The following LIN28B variants were observed in gnomAD, a reference collection of about 807,000 sequenced individuals.
LIN28B encodes the protein protein lin-28 homolog B.
A neutral mutation model predicts 21.9 loss-of-function variants in LIN28B; 5 were observed. That is an observed-to-expected ratio of 0.23 (90% CI 0.12 to 0.48). The LOEUF is 0.48. Among genes scored for constraint, LIN28B ranks in the 20% least tolerant of loss-of-function variants. The pLI, the probability that LIN28B is intolerant of heterozygous loss-of-function variation, is 0.98. For missense variants in LIN28B, 245 were observed against 310.5 expected, an observed-to-expected ratio of 0.79 and a Z score of 1.58; for synonymous variants, 109 against 111.3, an observed-to-expected ratio of 0.98 and a Z score of 0.13.
chr6:105,026,263 T>A, intron 2 of LIN28B, 35 bp from the exon 3 acceptor site: 2 of 1,245,208 alleles, frequency 1.6e-6, no homozygotes, highest in Non-Finnish European at 2.2e-6. Flanking sequence ...TTTTAATCTC[T>A]CTTTTTCTCC....
At chr6:104,978,045 A>G (rs1770138508) in intron 2 of LIN28B, among the ~76,000 whole-genome samples, 2 of 152,250 alleles carry the variant, frequency 1.3e-5, no homozygotes, top group Admixed American at 6.5e-5. Context: ...TAAGAAAACC[A>G]AGTGTTTAAC....
At chr6:104,938,503 G>T (rs746526957) in intron 2 of LIN28B, among the ~76,000 whole-genome samples, 3 of 152,004 alleles carry the variant, frequency 2.0e-5, no homozygotes, top group Non-Finnish European at 2.9e-5. Context: ...GCTGCGTGTG[G>T]TAGAGCAGGC....
chr6:104,958,143 G>A lies in LIN28B; in HGVS notation c.55G>A (p.Glu19Lys), dbSNP rs1205121884. Residue 19 changes from glutamate (E) to lysine (K), a missense_variant, in exon 2 of 4, where the codon GAG (glutamate) becomes AAG (lysine). Coordinates refer to ENST00000345080, the MANE Select transcript of LIN28B (RefSeq NM_001004317.4). ...GGGEEPGKLP[E>K]PAEEESQVLR... is the part of the protein sequence containing the mutation. ...TGGAGAAGAGCCCGGGAAGCTGCCG[G>A]AGCCGGCAGAGGAGGAATCCCAGGT... is the stretch of plus-strand genomic sequence containing the variant. 1.2e-6 allele frequency: 2 copies of A among 1,606,520 alleles called. No individual in the cohort carries two copies. Among genetic ancestry groups the A allele is most frequent in the South Asian group, 2.2e-5 (2 of 90,166 alleles).
intron 3 of LIN28B, among the ~76,000 whole-genome samples, chr6:105,060,765 T>C (rs1344553917): frequency 6.6e-6 from 1 of 152,232 alleles, no homozygotes; most frequent in African/African-American, 2.4e-5. Context: ...AATGCAATGA[T>C]AAATGTAGAA....
chr6:105,018,702 G>A (rs1331525133), intron 2 of LIN28B, among the ~76,000 whole-genome samples: 1 of 151,950 alleles, frequency 6.6e-6, no homozygotes, highest in Non-Finnish European at 1.5e-5. Flanking sequence ...TTTGACTCAT[G>A]TATTTGCTTC....
intron 2 of LIN28B, among the ~76,000 whole-genome samples, chr6:104,959,426 C>T (rs1487477999): frequency 1.3e-5 from 2 of 152,178 alleles, no homozygotes; most frequent in East Asian, 1.9e-4. Context: ...ATTTATACCC[C>T]CTTCCCTAAG....
chr6:104,992,484 T>TTGTG (rs752464999), intron 2 of LIN28B, among the ~76,000 whole-genome samples: 2,089 of 135,956 alleles, frequency 0.015, 33 homozygotes, highest in African/African-American at 0.04. Context: ...TAAGTTTCTG[T>TTGTG]TGTGTGTGTG....
chr6:104,980,124 C>T (rs1238423203), intron 2 of LIN28B, among the ~76,000 whole-genome samples: 2 of 152,092 alleles, frequency 1.3e-5, no homozygotes, highest in Non-Finnish European at 2.9e-5. Flanking sequence ...GTTAACTATA[C>T]TTAGAGATCA....
chr6:105,078,103 G>C (rs1280361849), intron 3 of LIN28B, among the ~76,000 whole-genome samples: 1 of 152,126 alleles, frequency 6.6e-6, no homozygotes, highest in Non-Finnish European at 1.5e-5. Context: ...AAAATGACCA[G>C]ATAGTGTCAA....
intron 2 of LIN28B, among the ~76,000 whole-genome samples, chr6:104,988,817 G>A (rs1330876981): frequency 6.6e-6 from 1 of 152,142 alleles, no homozygotes; most frequent in African/African-American, 2.4e-5. Flanking sequence ...GACCTCAGGT[G>A]ATCCACCTGC....
At chr6:105,067,606 C>G (rs1562113006) in intron 3 of LIN28B, among the ~76,000 whole-genome samples, 1 of 151,460 alleles carries the variant, frequency 6.6e-6, no homozygotes, top group Admixed American at 6.6e-5. Context: ...CCAGAACAGA[C>G]TATCTGTCTG....
In LIN28B at chr6:105,046,269, T is replaced by C. The variant is rs1771759067; in HGVS notation, c.383+19787T>C. The stretch of plus-strand genomic sequence containing the variant: ...CCTATGAGTGAGAACATGCAGTGTT[T>C]GGTTTTTTGTCCTTGCGATAGTTTG... On this transcript the variant is annotated intron_variant, in intron 3 of 3. Coordinates refer to ENST00000345080, the MANE Select transcript of LIN28B (RefSeq NM_001004317.4). 2.0e-5 allele frequency among the ~76,000 whole-genome samples: 3 copies of C among 152,300 alleles called. No individual in the cohort carries two copies. In the South Asian group the frequency reaches 6.2e-4, roughly 32 times the overall value.
chr6:104,953,316 G>C (rs935238862), upstream of LIN28B, among the ~76,000 whole-genome samples: 2 of 152,192 alleles, frequency 1.3e-5, no homozygotes, highest in African/African-American at 4.8e-5. Context: ...TGGCCCGGTG[G>C]GGGTGGGGGT....
intron 3 of LIN28B, among the ~76,000 whole-genome samples, chr6:105,066,316 T>C (rs1186557916): frequency 1.3e-5 from 2 of 152,226 alleles, no homozygotes; most frequent in Admixed American, 1.3e-4. Context: ...CCAGCATTAT[T>C]AGTTGCATCA....
At chr6:105,035,940 AC>A (rs1771512242) in intron 3 of LIN28B, among the ~76,000 whole-genome samples, 1 of 152,188 alleles carries the variant, frequency 6.6e-6, no homozygotes, top group African/African-American at 2.4e-5. Context: ...TTGTAATTAT[AC>A]AATGTTGACT....
At chr6:105,028,608 C>G (rs1375146131) in intron 3 of LIN28B, among the ~76,000 whole-genome samples, 2 of 152,094 alleles carry the variant, frequency 1.3e-5, no homozygotes, top group Admixed American at 1.3e-4. Context: ...TTGGCCTATA[C>G]AACAGGAAAG....
rs1175094965 is a variant in LIN28B, at chr6:105,078,586, C to T, written c.556C>T (p.Pro186Ser). 1.2e-6 allele frequency: 2 copies of T among 1,614,012 alleles called. No homozygotes were observed. The highest frequency in any genetic ancestry group is 1.3e-5 in the African/African-American group (1 of 74,902). The change falls in exon 4 of 4, where the codon CCA becomes TCA. Residue 186 changes from proline (P) to serine (S), a missense_variant. Physicochemically the swap from Pro to Ser is moderately conservative, Grantham distance 74. Transcript: ENST00000345080. ...GGGAAGACAGGAAGCAGAATCCCAG[C>T]CATGCACTTCAACTCTCCCTCGAGA... is the stretch of plus-strand genomic sequence containing the variant. Reference protein sequence around the residue: ...SQGRQEAESQPCTSTLPREVG... With the variant: ...SQGRQEAESQSCTSTLPREVG...
intron 3 of LIN28B, among the ~76,000 whole-genome samples, chr6:105,027,000 G>A (rs1299251788): frequency 6.6e-6 from 1 of 151,992 alleles, no homozygotes; most frequent in African/African-American, 2.4e-5. Flanking sequence ...AATATTTCAT[G>A]TCAATTGTTA....
At chr6:104,971,714 A>G (rs1769988177) in intron 2 of LIN28B, among the ~76,000 whole-genome samples, 1 of 152,122 alleles carries the variant, frequency 6.6e-6, no homozygotes, top group Non-Finnish European at 1.5e-5. Flanking sequence ...TATGTCCTCT[A>G]CAATTGAATG....
Sources: allele counts gnomAD v4.1 joint callset (sites outside exome capture counted in the v4.1 genomes callset), GRCh38; gene constraint gnomAD v4.1.1; transcripts MANE v1.5; gene names NCBI Gene and HGNC (gene_info 2026-07-23, HGNC 2026-07-21).